Variants in SHANK2 observed in about 807,000 individuals in gnomAD.
SHANK2 encodes SH3 and multiple ankyrin repeat domains 2, also known as SH3 and multiple ankyrin repeat domains protein 2.
Under a neutral mutation model 133.7 loss-of-function variants are expected in SHANK2, and 43 were observed. The ratio of observed to expected loss-of-function variants is 0.32; its 90% CI spans 0.25 to 0.41. The LOEUF (loss-of-function observed/expected upper bound fraction) is 0.41. Among genes scored for constraint, SHANK2 ranks in the 10% least tolerant of loss-of-function variants. SHANK2 has a pLI of 1.00. For synonymous variants in SHANK2, 1,017 were observed against 952.8 expected (o/e 1.07, Z -1.24); for missense variants, 1,994 against 2,235.8 (o/e 0.89, Z 2.18).
In SHANK2 at chr11:70,502,262, G is replaced by A. The variant is rs782634216; in HGVS notation, c.2222C>T (p.Pro741Leu). The A allele has an allele frequency of 3.9e-6, 6 of 1,558,232 alleles. No individual in the cohort carries two copies. Among genetic ancestry groups the A allele is most frequent in the Admixed American group, 2.0e-5 (1 of 51,140 alleles). Residue 741 changes from proline (P) to leucine (L), a missense_variant, in exon 19 of 26, where the codon CCG becomes CTG. Pro to Leu is a moderately conservative substitution (Grantham distance 98, BLOSUM62 -3). This residue lies in a region of SHANK2 where 488 missense variants were observed against 642.6 expected (regional missense o/e 0.76). Transcript: ENST00000601538. Reference sequence around the variant, plus strand: ...GGAGCGCAGGGTGAGGGCTGTGGTCGGTGCCCGCTTTGGAGGCGGGGGAGC... The same window carrying A: ...GGAGCGCAGGGTGAGGGCTGTGGTCAGTGCCCGCTTTGGAGGCGGGGGAGC... ...KKAPPPPKRA[P>L]TTALTLRSKS...
intron 14 of SHANK2, among the ~76,000 whole-genome samples, chr11:70,752,663 G>A (rs543728552): frequency 8.6e-4 from 118 of 137,014 alleles, no homozygotes; most frequent in Non-Finnish European, 1.2e-3. Flanking sequence ...CCGAAATCGC[G>A]CCACTGCACT....
intron 1 of SHANK2, among the ~76,000 whole-genome samples, chr11:71,247,719 G>C (rs1445694962): frequency 6.6e-6 from 1 of 152,162 alleles, no homozygotes; most frequent in African/African-American, 2.4e-5. Context: ...TTCTGGGACG[G>C]GGAGCCAGGA....
rs1555098822 is a variant in SHANK2 at position 71,110,023 on chromosome 11, G to A, written c.510C>T (p.His170=). The A allele has an allele frequency of 6.4e-7, 1 of 1,551,386 alleles. No homozygotes were observed. The highest frequency in any genetic ancestry group is 8.7e-7 in the Non-Finnish European group (1 of 1,146,614). ...TCTTCTCCACCAAGCGATGCTGAAT[G>A]TGATCCATGCATTTCTTCAGATTGG... ...TKTNLKKCMD[H]IQHRLVEKIT... is the part of the protein sequence containing the mutation. The change falls in exon 6 of 26, where the codon CAC becomes CAT. Residue 170 remains histidine (H), a synonymous_variant. Coordinates refer to ENST00000601538, the MANE Select transcript of SHANK2 (RefSeq NM_012309.5).
intron 9 of SHANK2, among the ~76,000 whole-genome samples, chr11:71,067,881 T>C (rs953990608): frequency 0.01 from 1,536 of 151,146 alleles, 22 homozygotes; most frequent in African/African-American, 0.032. Flanking sequence ...ATCACCACCA[T>C]CATCACCACC....
At chr11:70,660,056 C>A in intron 16 of SHANK2, 104 bp from the exon 17 acceptor site, 1 of 1,472,084 alleles carries the variant, frequency 6.8e-7, no homozygotes, top group Non-Finnish European at 9.4e-7. Flanking sequence ...GCCCACTCAT[C>A]TCCCATTGCA....
intron 17 of SHANK2, among the ~76,000 whole-genome samples, chr11:70,570,042 A>G (rs1209067430): frequency 1.3e-5 from 2 of 152,076 alleles, no homozygotes; most frequent in Non-Finnish European, 1.5e-5. Context: ...TTATTCACCT[A>G]TGAAACTTGA....
chr11:70,478,445 A>G (rs1190106237), intron 25 of SHANK2, among the ~76,000 whole-genome samples: 1 of 152,208 alleles, frequency 6.6e-6, no homozygotes, highest in Non-Finnish European at 1.5e-5. Flanking sequence ...TCTCCAGCAC[A>G]CCGCACGCCT....
intron 9 of SHANK2, among the ~76,000 whole-genome samples, chr11:71,057,275 A>G (rs1364708953): frequency 6.6e-6 from 1 of 152,170 alleles, no homozygotes; most frequent in Non-Finnish European, 1.5e-5. Flanking sequence ...CGGAGGTTGC[A>G]GTGAGCCGAG....
chr11:70,836,303 G>A (rs1246083239), intron 11 of SHANK2, among the ~76,000 whole-genome samples: 1 of 152,228 alleles, frequency 6.6e-6, no homozygotes, highest in African/African-American at 2.4e-5. Flanking sequence ...CGAGACTGGG[G>A]GTGAGGACAG....
chr11:70,656,727 C>T (rs12294575), intron 17 of SHANK2, among the ~76,000 whole-genome samples: 4,847 of 152,206 alleles, frequency 0.032, 260 homozygotes, highest in African/African-American at 0.11. Context: ...CCTTTTATTA[C>T]CACACAGCTT....
At chr11:71,189,820 G>T (rs111946085) in intron 2 of SHANK2, among the ~76,000 whole-genome samples, 2 of 152,340 alleles carry the variant, frequency 1.3e-5, no homozygotes, top group South Asian at 2.1e-4. Context: ...GCTGCCCTTG[G>T]GGGTGAATGA....
chr11:70,513,469 A>C (rs2059229468), intron 17 of SHANK2, among the ~76,000 whole-genome samples: 1 of 152,248 alleles, frequency 6.6e-6, no homozygotes, highest in Admixed American at 6.5e-5. Flanking sequence ...TATCAGCTAA[A>C]ACAAAAACAT....
At chr11:70,723,079 T>G (rs1400703248) in intron 14 of SHANK2, among the ~76,000 whole-genome samples, 1 of 152,226 alleles carries the variant, frequency 6.6e-6, no homozygotes, top group Non-Finnish European at 1.5e-5. Context: ...AATATGCTCA[T>G]GGTCCTTGTG....
At chr11:70,612,533 C>T (rs1358520958) in intron 17 of SHANK2, among the ~76,000 whole-genome samples, 1 of 152,232 alleles carries the variant, frequency 6.6e-6, no homozygotes, top group Admixed American at 6.5e-5. Context: ...TCCATGCATA[C>T]TTTCTGATGG....
intron 11 of SHANK2, among the ~76,000 whole-genome samples, chr11:70,868,369 G>T (rs374657508): frequency 6.6e-6 from 1 of 152,130 alleles, no homozygotes; most frequent in East Asian, 1.9e-4. Flanking sequence ...CCCAGGCCTC[G>T]GTTTCTCCAT....
chr11:70,492,247 C>T (rs1383452595), intron 22 of SHANK2, 88 bp downstream of exon 22: 11 of 1,569,344 alleles, frequency 7.0e-6, no homozygotes, highest in African/African-American at 5.4e-5. Context: ...GACATGAAAG[C>T]GTGTGCACCT....
At chr11:71,122,446 T>C (rs1478094325) in intron 3 of SHANK2, among the ~76,000 whole-genome samples, 13 of 151,946 alleles carry the variant, frequency 8.6e-5, no homozygotes, top group Non-Finnish European at 5.9e-5. Context: ...AATTGAACAA[T>C]GAGAACACTT....
rs191168305 is a variant in SHANK2 at position 70,884,823 on chromosome 11, C to T, written c.1174+11678G>A. Among the ~76,000 whole-genome samples, 1,152 of 152,304 alleles carry T rather than the reference C, an allele frequency of 7.6e-3. 6 individuals are homozygous for T. Among genetic ancestry groups the T allele is most frequent in the Non-Finnish European group, 0.013 (852 of 68,020 alleles). The stretch of plus-strand genomic sequence containing the variant: ...GCAACCTCCGCCTCCCAGGTTCAAG[C>T]GATTCTCCTGCCTCACCCTCCCGAG... On this transcript the variant is annotated intron_variant, in intron 11 of 25. Coordinates refer to ENST00000601538, the MANE Select transcript of SHANK2 (RefSeq NM_012309.5).
chr11:71,100,081 G>A (rs113101926), intron 6 of SHANK2, among the ~76,000 whole-genome samples: 12 of 150,220 alleles, frequency 8.0e-5, no homozygotes, highest in Admixed American at 5.3e-4. Flanking sequence ...CAACACAATC[G>A]TCAGAATGAT....
Sources: allele counts gnomAD v4.1 joint callset (sites outside exome capture counted in the v4.1 genomes callset), GRCh38; gene constraint gnomAD v4.1.1; regional missense constraint gnomAD v4.1.1; transcripts MANE v1.5; gene names NCBI Gene and HGNC (gene_info 2026-07-23, HGNC 2026-07-21).